Variants in ABR observed in about 807,000 individuals in gnomAD.
ABR encodes the protein ABR activator of RhoGEF and GTPase.
A neutral mutation model predicts 107.2 loss-of-function variants in ABR; 35 were observed. The ratio of observed to expected loss-of-function variants is 0.33; its 90% CI spans 0.25 to 0.43. ABR has a LOEUF of 0.43. Ranked by LOEUF, ABR falls within the 20% of genes least tolerant of loss-of-function variation. The probability of loss-of-function intolerance (pLI) is 1.00; values close to 1 mark genes in which losing one functional copy is unlikely to be tolerated. For missense variants in ABR, 815 were observed against 1,115.2 expected (o/e 0.73, Z 3.83); for synonymous variants, 498 against 462.0 (o/e 1.08, Z -1.00).
At chr17:1,195,200 G>A (rs988055312) in intron 1 of ABR, among the ~76,000 whole-genome samples, 43 of 145,340 alleles carry the variant, frequency 3.0e-4, no homozygotes, top group Non-Finnish European at 5.9e-4. Context: ...CCAGCTACTC[G>A]GGAGGCTGAG....
chr17:1,048,635 G>A (rs1435976147), intron 16 of ABR, among the ~76,000 whole-genome samples: 5 of 120,628 alleles, frequency 4.1e-5, no homozygotes, highest in African/African-American at 1.5e-4. Flanking sequence ...CCTGGATCAC[G>A]TCCGGGGCCA....
intron 2 of ABR, among the ~76,000 whole-genome samples, chr17:1,120,724 G>A (rs1349858573): frequency 6.6e-6 from 1 of 152,166 alleles, no homozygotes; most frequent in African/African-American, 2.4e-5. Context: ...TGAGGTTTGA[G>A]CCCTGTGAGG....
intron 1 of ABR, among the ~76,000 whole-genome samples, chr17:1,172,509 G>A (rs1451615660): frequency 2.0e-5 from 3 of 152,154 alleles, no homozygotes; most frequent in Non-Finnish European, 4.4e-5. Context: ...CCAGCACTTT[G>A]GGAGGCCGAG....
Position 1,012,182 on chromosome 17 carries a change from A to G in ABR, c.1962-197T>C, listed in dbSNP as rs750224299. 6.0e-6 allele frequency: 5 copies of G among 839,850 alleles called. No homozygotes were observed. In the South Asian group the frequency reaches 7.2e-5, roughly 12 times the overall value. 52.0% of individuals were successfully genotyped at this position (839,850 alleles called of 1,614,324 possible). A position where few individuals can be genotyped will look rare whatever the true frequency, so the allele number is the denominator to read the frequency against. On this transcript the variant is annotated intron_variant, in intron 18 of 22. Transcript: ENST00000302538. ...CCCACCCGAGGCCTGCCGAAGGGGCATCGACGGACGTGGGCAGGAGAAGCC... is the reference window on the plus strand; with the variant it reads ...CCCACCCGAGGCCTGCCGAAGGGGCGTCGACGGACGTGGGCAGGAGAAGCC...
At chr17:1,131,134 CCT>C (rs1214110704) in intron 1 of ABR, among the ~76,000 whole-genome samples, 2,200 of 131,796 alleles carry the variant, frequency 0.017, 114 homozygotes, top group African/African-American at 0.061. Context: ...ACAGCTCCCC[CCT>C]CTTTGCACAC....
At position 1,070,287 on chromosome 17, in the gene ABR, C is replaced by T. The variant is rs894965572; in HGVS notation, c.895-197G>A. ...GTTTGAATGCCAACAGGCTTCTCAGCTGTGATCTCAGACAGGCTCCCTGAC... is the reference window on the plus strand; with the variant it reads ...GTTTGAATGCCAACAGGCTTCTCAGTTGTGATCTCAGACAGGCTCCCTGAC... On this transcript the variant is annotated intron_variant, in intron 8 of 22. Transcript: ENST00000302538. The surrounding 1 kb of genome is among the most constrained non-coding windows in gnomAD (Gnocchi z 4.2). Among the ~76,000 whole-genome samples the T allele has an allele frequency of 6.6e-6, 1 of 152,160 alleles. No individual in the cohort carries two copies. Among genetic ancestry groups the T allele is most frequent in the Non-Finnish European group, 1.5e-5 (1 of 68,036 alleles).
chr17:1,202,079 A>G (rs1161003240), intron 1 of ABR, among the ~76,000 whole-genome samples: 1 of 152,126 alleles, frequency 6.6e-6, no homozygotes, highest in Non-Finnish European at 1.5e-5. Flanking sequence ...GAGAAAGAAG[A>G]TCCATCTAGA....
intron 1 of ABR, among the ~76,000 whole-genome samples, chr17:1,193,217 G>C (rs959975508): frequency 4.6e-5 from 7 of 152,030 alleles, no homozygotes; most frequent in Admixed American, 2.0e-4. Context: ...GAAAACAACA[G>C]AATTAGCAGC....
At chr17:1,151,117 C>T (rs781594224) in intron 1 of ABR, among the ~76,000 whole-genome samples, 5 of 152,096 alleles carry the variant, frequency 3.3e-5, no homozygotes, top group Non-Finnish European at 7.3e-5. Context: ...CTCTGTTTTA[C>T]CTTCAACATG....
intron 2 of ABR, among the ~76,000 whole-genome samples, chr17:1,106,106 A>G (rs1487571328): frequency 6.6e-6 from 1 of 152,176 alleles, no homozygotes; most frequent in Admixed American, 6.6e-5. Context: ...ACAGATCAAT[A>G]ACTCTTCAAA....
chr17:1,218,343 G>A (rs750998748), intron 1 of ABR, among the ~76,000 whole-genome samples: 2 of 152,214 alleles, frequency 1.3e-5, no homozygotes, highest in African/African-American at 4.8e-5. Flanking sequence ...TACTTGGTAC[G>A]TAGTCCCAGC....
At chr17:1,056,188 G>C in intron 13 of ABR, 79 bp from the exon 14 acceptor site, 2 of 1,256,584 alleles carry the variant, frequency 1.6e-6, no homozygotes, top group Non-Finnish European at 2.3e-6. Flanking sequence ...GCGGGAGGCA[G>C]ACGGGGTATG....
intron 1 of ABR, among the ~76,000 whole-genome samples, chr17:1,217,482 G>A (rs774038807): frequency 6.6e-6 from 1 of 152,148 alleles, no homozygotes; most frequent in Non-Finnish European, 1.5e-5. Context: ...TGTCAGGTCT[G>A]GTTCAAGGTA....
rs901274031 is a variant in ABR, at chr17:1,179,421, C to T, written c.61+246G>A. 2.6e-5 allele frequency among the ~76,000 whole-genome samples: 4 copies of T among 151,984 alleles called. No individual in the cohort carries two copies. Among genetic ancestry groups the T allele is most frequent in the Admixed American group, 1.3e-4 (2 of 15,278 alleles). Reference sequence around the variant, plus strand: ...TCCCCGCCCCCGGACCGCAGGAATCCTCTCTGGGGACCCCCCGCCCGCGCC... The same window carrying T: ...TCCCCGCCCCCGGACCGCAGGAATCTTCTCTGGGGACCCCCCGCCCGCGCC... On this transcript the variant is annotated intron_variant, in intron 1 of 22. Coordinates refer to ENST00000302538, the MANE Select transcript of ABR (RefSeq NM_021962.5). The surrounding 1 kb of genome is among the most constrained non-coding windows in gnomAD (Gnocchi z 4.9).
At chr17:1,120,880 A>G (rs1009818409) in intron 2 of ABR, among the ~76,000 whole-genome samples, 4 of 152,182 alleles carry the variant, frequency 2.6e-5, no homozygotes, top group African/African-American at 9.7e-5. Flanking sequence ...TCTGCCTTGT[A>G]GCCCCTTTTT....
At chr17:1,039,659 G>C (rs2029966076) in intron 16 of ABR, 1 of 152,600 alleles carries the variant, frequency 6.6e-6, no homozygotes, top group African/African-American at 2.4e-5. Context: ...AGGAAGTGGA[G>C]AGTCAGCAGG....
At chr17:1,018,275 C>G (rs1270931272) in intron 16 of ABR, among the ~76,000 whole-genome samples, 2 of 152,198 alleles carry the variant, frequency 1.3e-5, no homozygotes, top group South Asian at 2.1e-4. Flanking sequence ...ATCTCCTGAC[C>G]TCGTGATTCG....
chr17:1,087,160 C>G (rs1041646045), intron 4 of ABR, among the ~76,000 whole-genome samples: 1 of 152,176 alleles, frequency 6.6e-6, no homozygotes, highest in African/African-American at 2.4e-5. Flanking sequence ...AATACAGCAG[C>G]AAGGGGGATA....
chr17:1,010,587 C>T lies in ABR; in HGVS notation c.2236+142G>A, dbSNP rs1026104369. The T allele has an allele frequency of 1.7e-6, 2 of 1,164,690 alleles. No homozygotes were observed. The highest frequency in any genetic ancestry group is 3.1e-5 in the African/African-American group (2 of 64,872). The allele number at this position is 1,164,690 out of a possible 1,614,324, so 72.1% of individuals were successfully genotyped here. A position where few individuals can be genotyped will look rare whatever the true frequency, so the allele number is the denominator to read the frequency against. ...AGCAGGCCACACCTCACCCTCGGAC[C>T]CCTCAGCCACAGGCCCCAGTGCACT... is the stretch of plus-strand genomic sequence containing the variant. On this transcript the variant is annotated intron_variant, in intron 20 of 22. Transcript: ENST00000302538. The surrounding 1 kb of genome is among the most constrained non-coding windows in gnomAD (Gnocchi z 4.1).
Sources: allele counts gnomAD v4.1 joint callset (sites outside exome capture counted in the v4.1 genomes callset), GRCh38; gene constraint gnomAD v4.1.1; non-coding constraint Gnocchi (gnomAD v3.1); transcripts MANE v1.5; gene names NCBI Gene and HGNC (gene_info 2026-07-23, HGNC 2026-07-21).